Variants in ZDHHC14 observed in about 807,000 individuals in gnomAD.
The protein encoded by ZDHHC14 is palmitoyltransferase ZDHHC14.
ZDHHC14 carries 16 observed loss-of-function variants against 47.7 expected under a neutral mutation model. The ratio of observed to expected loss-of-function variants is 0.34; its 90% confidence interval spans 0.23 to 0.51. The LOEUF is 0.51. Ranked by LOEUF, ZDHHC14 falls within the 20% of genes least tolerant of loss-of-function variation. The probability of loss-of-function intolerance (pLI) is 0.97; values close to 1 mark genes in which losing one functional copy is unlikely to be tolerated. For synonymous variants in ZDHHC14, 293 were observed against 278.9 expected (o/e 1.05, Z -0.50); for missense variants, 515 against 662.5 (o/e 0.78, Z 2.44).
At chr6:157,505,315 T>C (rs1187109781) in intron 1 of ZDHHC14, among the ~76,000 whole-genome samples, 1 of 152,224 alleles carries the variant, frequency 6.6e-6, no homozygotes, top group African/African-American at 2.4e-5. Flanking sequence ...TTTGGGGGCT[T>C]CATGACTTTC....
At chr6:157,660,745 A>G (rs576217256) in intron 8 of ZDHHC14, among the ~76,000 whole-genome samples, 2 of 152,330 alleles carry the variant, frequency 1.3e-5, no homozygotes, top group East Asian at 3.9e-4. Flanking sequence ...GGCAGCCACT[A>G]TTGAGAACCA....
At chr6:157,640,141 C>T (rs7750240) in intron 5 of ZDHHC14, among the ~76,000 whole-genome samples, 3,484 of 152,256 alleles carry the variant, frequency 0.023, 138 homozygotes, top group African/African-American at 0.08. Context: ...TGAGGAAGAC[C>T]CCAAAAGGGG....
intron 2 of ZDHHC14, among the ~76,000 whole-genome samples, chr6:157,583,241 TA>T (rs1783577409): frequency 6.6e-6 from 1 of 152,146 alleles, no homozygotes; most frequent in African/African-American, 2.4e-5. Flanking sequence ...TCAGCCTGGT[TA>T]AGAACCCTTG....
chr6:157,476,982 T>C (rs1156720071), intron 1 of ZDHHC14, among the ~76,000 whole-genome samples: 1 of 152,102 alleles, frequency 6.6e-6, no homozygotes, highest in Non-Finnish European at 1.5e-5. Context: ...TCCTCTAATA[T>C]CAGGAACAAG....
In ZDHHC14 at chr6:157,382,030, C is replaced by G. The variant is rs772237525; in HGVS notation, c.9C>G (p.Pro3=). The change falls in exon 1 of 9, where the codon CCC becomes CCG. Residue 3 remains proline, a synonymous_variant. Coordinates refer to ENST00000359775, the MANE Select transcript of ZDHHC14 (RefSeq NM_024630.3). MP[P]GGGGPMKDCE... ...GCCGGCTGCCCTCGTGGATGCCTCCCGGCGGCGGCGGGCCCATGAAAGACT... is the reference window on the plus strand; with the variant it reads ...GCCGGCTGCCCTCGTGGATGCCTCCGGGCGGCGGCGGGCCCATGAAAGACT... 2.8e-5 allele frequency: 42 copies of G among 1,504,646 alleles called. No individual in the cohort carries two copies. The highest frequency in any genetic ancestry group is 3.5e-5 in the Non-Finnish European group (40 of 1,126,836). 93.2% of individuals were successfully genotyped at this position (1,504,646 alleles called of 1,614,324 possible).
intron 1 of ZDHHC14, among the ~76,000 whole-genome samples, chr6:157,405,305 T>C (rs1294360212): frequency 6.6e-6 from 1 of 152,110 alleles, no homozygotes; most frequent in Non-Finnish European, 1.5e-5. Flanking sequence ...CGATCTCGGT[T>C]CACTGCAAGC....
intron 2 of ZDHHC14, among the ~76,000 whole-genome samples, chr6:157,572,132 C>T (rs943122725): frequency 6.6e-6 from 1 of 152,118 alleles, no homozygotes; most frequent in African/African-American, 2.4e-5. Context: ...TAGGGCAGGG[C>T]CTCTCAGCCT....
chr6:157,522,976 TTTTCTTTTTC>T lies in ZDHHC14; in HGVS notation c.246-19605_246-19596del, dbSNP rs1188106477. Among the ~76,000 whole-genome samples, 41 of 35,816 alleles carry T rather than the reference TTTTCTTTTTC, an allele frequency of 1.1e-3. 5 individuals are homozygous for T. Among genetic ancestry groups the T allele is most frequent in the South Asian group, 2.8e-3 (4 of 1,440 alleles). 23.5% of individuals were successfully genotyped at this position (35,816 alleles called of 152,430 possible). ...TTCCTTCCTTCTTTCTTTTCTTTTC[TTTTCTTTTTC>T]TTTTCTTTTCTTTTCTTTTCTTTTT... On this transcript the variant is annotated intron_variant, in intron 1 of 8. Transcript: ENST00000359775.
chr6:157,417,576 G>A (rs1778008543), intron 1 of ZDHHC14, among the ~76,000 whole-genome samples: 1 of 152,178 alleles, frequency 6.6e-6, no homozygotes, highest in Non-Finnish European at 1.5e-5. Flanking sequence ...ATAGAGTTTG[G>A]CACATAGTGT....
chr6:157,612,647 A>G (rs1221982452), intron 3 of ZDHHC14, among the ~76,000 whole-genome samples: 2 of 152,162 alleles, frequency 1.3e-5, no homozygotes, highest in African/African-American at 2.4e-5. Context: ...CTCTGCCCAC[A>G]GTTGGGTAAG....
intron 1 of ZDHHC14, among the ~76,000 whole-genome samples, chr6:157,398,092 C>A (rs1202793636): frequency 1.3e-5 from 2 of 151,840 alleles, no homozygotes; most frequent in African/African-American, 4.8e-5. Context: ...CCAGCCCCCC[C>A]CGGCTCCCCA....
intron 1 of ZDHHC14, among the ~76,000 whole-genome samples, chr6:157,518,277 G>T (rs919377885): frequency 1.3e-5 from 2 of 151,828 alleles, no homozygotes; most frequent in African/African-American, 4.8e-5. Flanking sequence ...CTGCCATTAG[G>T]TACACTGAGG....
At chr6:157,617,902 G>A (rs1455218328) in intron 3 of ZDHHC14, among the ~76,000 whole-genome samples, 1 of 152,178 alleles carries the variant, frequency 6.6e-6, no homozygotes, top group Non-Finnish European at 1.5e-5. Context: ...GATCGAGTGA[G>A]TGAAATACAG....
At chr6:157,580,311 G>A (rs1783466074) in intron 2 of ZDHHC14, among the ~76,000 whole-genome samples, 1 of 152,098 alleles carries the variant, frequency 6.6e-6, no homozygotes, top group Non-Finnish European at 1.5e-5. Flanking sequence ...GTATTTTCTT[G>A]AGGATTTTTG....
intron 3 of ZDHHC14, among the ~76,000 whole-genome samples, chr6:157,621,522 C>G (rs1314882862): frequency 1.3e-5 from 2 of 152,240 alleles, no homozygotes; most frequent in African/African-American, 4.8e-5. Flanking sequence ...TCTCATTCCC[C>G]ACATCCTGAC....
At chr6:157,496,318 G>T (rs1319375553) in intron 1 of ZDHHC14, among the ~76,000 whole-genome samples, 1 of 152,090 alleles carries the variant, frequency 6.6e-6, no homozygotes. Context: ...TTGGGTATGG[G>T]GGTGGAGGTG....
chr6:157,551,054 C>T (rs1334448960), intron 2 of ZDHHC14, among the ~76,000 whole-genome samples: 15 of 152,144 alleles, frequency 9.9e-5, no homozygotes, highest in Non-Finnish European at 2.2e-4. Flanking sequence ...GGATGGAAAA[C>T]TTGGGACCAC....
chr6:157,472,919 ATT>A (rs1779388474), intron 1 of ZDHHC14, among the ~76,000 whole-genome samples: 1 of 152,194 alleles, frequency 6.6e-6, no homozygotes, highest in Admixed American at 6.5e-5. Flanking sequence ...ACTGTGCCAT[ATT>A]GTGTTGCTTC....
chr6:157,405,468 G>C (rs1186170307), intron 1 of ZDHHC14, among the ~76,000 whole-genome samples: 1 of 152,174 alleles, frequency 6.6e-6, no homozygotes, highest in Non-Finnish European at 1.5e-5. Context: ...TCCTGACCTC[G>C]TGATCCACCC....
Sources: allele counts gnomAD v4.1 joint callset (sites outside exome capture counted in the v4.1 genomes callset), GRCh38; gene constraint gnomAD v4.1.1; transcripts MANE v1.5; gene names NCBI Gene and HGNC (gene_info 2026-07-23, HGNC 2026-07-21).